The following CLPB variants were observed in gnomAD, a reference collection of about 807,000 sequenced individuals.
CLPB encodes mitochondrial disaggregase.
CLPB carries 40 observed loss-of-function variants against 78.4 expected under a neutral mutation model. That is an observed-to-expected ratio of 0.51 (90% CI 0.40 to 0.66). CLPB has a LOEUF of 0.66. Among genes scored for constraint, CLPB ranks in the 30% least tolerant of loss-of-function variants. The pLI is 0.00. For synonymous variants in CLPB, 333 were observed against 348.0 expected (o/e 0.96, Z 0.48); for missense variants, 780 against 886.9 (o/e 0.88, Z 1.53).
At chr11:72,416,937 G>A (rs1296180129) in intron 2 of CLPB, among the ~76,000 whole-genome samples, 1 of 152,148 alleles carries the variant, frequency 6.6e-6, no homozygotes, top group Non-Finnish European at 1.5e-5. Flanking sequence ...TGGTGAGGAT[G>A]TGGAAAAGGT....
At chr11:72,354,286 T>G (rs1448339128) in intron 5 of CLPB, 1 of 397,054 alleles carries the variant, frequency 2.5e-6, no homozygotes, top group African/African-American at 2.1e-5. Flanking sequence ...TGTATATATA[T>G]ATATATATAT....
Position 72,312,550 on chromosome 11 carries a change from C to G in CLPB, c.989-3946G>C, listed in dbSNP as rs1028785298. On this transcript the variant is annotated intron_variant, in intron 7 of 15. Transcript: ENST00000538039. The surrounding 1 kb of genome is among the most constrained non-coding windows in gnomAD (Gnocchi z 4.2). ...AGACTAGCCCAACACTGGTTTAATACTTGCTGACTAAATGAATTATTGGTC... is the reference window on the plus strand; with the variant it reads ...AGACTAGCCCAACACTGGTTTAATAGTTGCTGACTAAATGAATTATTGGTC... Among the ~76,000 whole-genome samples, 1 of 152,100 alleles carries G rather than the reference C, an allele frequency of 6.6e-6. No individual in the cohort carries two copies. The highest frequency in any genetic ancestry group is 6.5e-5 in the Admixed American group (1 of 15,280).
chr11:72,391,128 T>C (rs1855243284), intron 3 of CLPB, among the ~76,000 whole-genome samples: 1 of 152,222 alleles, frequency 6.6e-6, no homozygotes, highest in Admixed American at 6.5e-5. Context: ...CTCTCAATTA[T>C]AAAACTTCTA....
At chr11:72,396,342 T>C (rs532963563) in intron 3 of CLPB, among the ~76,000 whole-genome samples, 1 of 152,310 alleles carries the variant, frequency 6.6e-6, no homozygotes, top group South Asian at 2.1e-4. Context: ...ATGTGCTTCA[T>C]GCTCTGCCTT....
chr11:72,418,975 G>A (rs1856109682), intron 2 of CLPB, among the ~76,000 whole-genome samples: 1 of 152,146 alleles, frequency 6.6e-6, no homozygotes, highest in Admixed American at 6.5e-5. Context: ...CTCTTGCTCA[G>A]AAGGGAGGAA....
intron 6 of CLPB, among the ~76,000 whole-genome samples, chr11:72,327,689 C>T (rs1183798718): frequency 6.6e-6 from 1 of 152,174 alleles, no homozygotes; most frequent in Non-Finnish European, 1.5e-5. Context: ...AGGCAAAAGC[C>T]ACTGGGCTTG....
intron 3 of CLPB, among the ~76,000 whole-genome samples, chr11:72,391,176 T>C (rs1010771424): frequency 6.6e-6 from 1 of 152,176 alleles, no homozygotes; most frequent in African/African-American, 2.4e-5. Flanking sequence ...GGCTGAAATA[T>C]TAAAGACCCA....
chr11:72,400,283 G>A (rs1485406002), intron 3 of CLPB, among the ~76,000 whole-genome samples: 1 of 152,176 alleles, frequency 6.6e-6, no homozygotes, highest in Non-Finnish European at 1.5e-5. Context: ...GCTATTTTCA[G>A]TAAAAATCTG....
chr11:72,397,004 G>A (rs1411282952), intron 3 of CLPB, among the ~76,000 whole-genome samples: 1 of 152,168 alleles, frequency 6.6e-6, no homozygotes, highest in East Asian at 1.9e-4. Context: ...ATACATTCAT[G>A]TAACCAGCAT....
intron 2 of CLPB, among the ~76,000 whole-genome samples, chr11:72,407,533 C>T (rs1046574718): frequency 3.3e-5 from 5 of 152,148 alleles, no homozygotes; most frequent in African/African-American, 1.2e-4. Flanking sequence ...TTTCTCTAAA[C>T]CTGCTATCAT....
chr11:72,394,503 C>T (rs558805197), intron 3 of CLPB, among the ~76,000 whole-genome samples: 3 of 152,296 alleles, frequency 2.0e-5, no homozygotes, highest in African/African-American at 7.2e-5. Context: ...AACCCCAGGA[C>T]AGAACAGAGC....
chr11:72,364,683 C>T (rs1950908063), intron 4 of CLPB, among the ~76,000 whole-genome samples: 1 of 151,978 alleles, frequency 6.6e-6, no homozygotes, highest in Non-Finnish European at 1.5e-5. Flanking sequence ...ATTTTCCTTC[C>T]CACCTTTTTC....
intron 1 of CLPB, 85 bp from the exon 2 acceptor site, chr11:72,430,448 C>T (rs1856512836): frequency 2.5e-6 from 3 of 1,197,380 alleles, no homozygotes; most frequent in Non-Finnish European, 3.6e-6. Context: ...AAGACAGTGG[C>T]AGTACTTTAG....
intron 6 of CLPB, 59 bp from the exon 7 acceptor site, chr11:72,317,279 C>A: frequency 7.9e-7 from 1 of 1,273,222 alleles, no homozygotes. Context: ...CATAGCTTCA[C>A]TCTATCCCCC....
chr11:72,321,753 G>A (rs981283958), intron 6 of CLPB, among the ~76,000 whole-genome samples: 3 of 152,176 alleles, frequency 2.0e-5, no homozygotes, highest in Non-Finnish European at 4.4e-5. Context: ...GAGAAGAGAG[G>A]CCAAGCTGCA....
intron 3 of CLPB, among the ~76,000 whole-genome samples, chr11:72,383,489 C>A (rs1320434435): frequency 6.7e-6 from 1 of 149,868 alleles, no homozygotes; most frequent in Non-Finnish European, 1.5e-5. Context: ...CAAGATCGCA[C>A]CACTGCATTC....
At chr11:72,401,720 G>A (rs181840963) in intron 3 of CLPB, among the ~76,000 whole-genome samples, 3 of 152,166 alleles carry the variant, frequency 2.0e-5, no homozygotes, top group Admixed American at 1.3e-4. Context: ...AACTGAAATT[G>A]GTACCTCCAA....
chr11:72,358,929 A>G lies in CLPB; in HGVS notation c.726T>C (p.Tyr242=). 6.2e-7 allele frequency: 1 copy of G among 1,612,440 alleles called. No homozygotes were observed. Residue 242 remains tyrosine, a synonymous_variant, in exon 5 of 16, where the codon TAT becomes TAC. Coordinates refer to ENST00000538039, the MANE Select transcript of CLPB (RefSeq NM_001258392.3). ...ASFKGCTALH[Y]AVLADDYRTV... is the part of the protein sequence containing the mutation. Reference sequence around the variant, plus strand: ...TGCGGTAGTCATCAGCAAGAACAGCATAGTGCAAGGCCGTGCAGCCCTTGA... The same window carrying G: ...TGCGGTAGTCATCAGCAAGAACAGCGTAGTGCAAGGCCGTGCAGCCCTTGA...
chr11:72,397,292 A>G (rs1855436208), intron 3 of CLPB, among the ~76,000 whole-genome samples: 1 of 152,220 alleles, frequency 6.6e-6, no homozygotes, highest in Non-Finnish European at 1.5e-5. Context: ...ACATTGCATT[A>G]TATCCAGTTT....
Sources: gnomAD v4.1 joint callset for allele counts (sites outside exome capture counted in the v4.1 genomes callset) on GRCh38, gnomAD v4.1.1 for gene constraint, Gnocchi (gnomAD v3.1) non-coding constraint, MANE v1.5 for transcripts, NCBI Gene and HGNC (gene_info 2026-07-23, HGNC 2026-07-21) for gene names.